TEX9: variants seen among roughly 807,000 people sequenced by gnomAD.
TEX9 encodes testis-expressed protein 9.
In TEX9, 74 loss-of-function variants were observed where a neutral mutation model predicts 59.6. That is an observed-to-expected ratio of 1.24 (90% CI 1.03 to 1.51). TEX9 has a LOEUF of 1.51. Among genes scored for constraint, TEX9 ranks in the 40% most tolerant of loss-of-function variants. TEX9 has a pLI of 0.00. For missense variants in TEX9, 522 were observed against 447.8 expected (o/e 1.17, Z -1.49); for synonymous variants, 186 against 152.2 (o/e 1.22, Z -1.64).
intron 1 of TEX9, among the ~76,000 whole-genome samples, chr15:56,356,155 T>C (rs937785210): frequency 6.6e-6 from 1 of 152,278 alleles, no homozygotes; most frequent in East Asian, 1.9e-4. Context: ...GAACCTTCAG[T>C]TCTTCAGTAT....
At chr15:56,455,627 G>A in the TEX9 span, among the ~76,000 whole-genome samples, 1 of 152,132 alleles carries the variant, frequency 6.6e-6, no homozygotes, top group Non-Finnish European at 1.5e-5. Context: ...GATTAACACT[G>A]TGACAAGGCT....
intron 1 of TEX9, among the ~76,000 whole-genome samples, chr15:56,244,437 CTTTAACTA>C (rs1369790672): frequency 6.6e-6 from 1 of 152,130 alleles, no homozygotes; most frequent in African/African-American, 2.4e-5. Flanking sequence ...TCTGGCCCCA[CTTTAACTA>C]TCCAATCATA....
intron 1 of TEX9, among the ~76,000 whole-genome samples, chr15:56,289,427 G>A (rs1178180617): frequency 4.6e-5 from 7 of 152,166 alleles, no homozygotes; most frequent in African/African-American, 1.7e-4. Context: ...CACTTGCTGG[G>A]TAGGGTGCAG....
upstream of TEX9, among the ~76,000 whole-genome samples, chr15:56,361,252 CTTTAAG>C (rs774039163): frequency 1.4e-4 from 21 of 152,004 alleles, no homozygotes; most frequent in Admixed American, 2.6e-4. Flanking sequence ...TTTTCTTTTG[CTTTAAG>C]TTTAATATTT....
intron 9 of TEX9, among the ~76,000 whole-genome samples, chr15:56,402,556 G>A (rs546241439): frequency 6.6e-6 from 1 of 152,302 alleles, no homozygotes; most frequent in Non-Finnish European, 1.5e-5. Flanking sequence ...TCTACCAGAG[G>A]TATAAGGAGG....
chr15:56,405,466 A>G (rs2049032494), intron 9 of TEX9, among the ~76,000 whole-genome samples: 1 of 152,180 alleles, frequency 6.6e-6, no homozygotes, highest in East Asian at 1.9e-4. Context: ...CCAAAATTAA[A>G]TGAACGTAAG....
intron 1 of TEX9, among the ~76,000 whole-genome samples, chr15:56,331,303 A>G (rs983573611): frequency 6.6e-6 from 1 of 152,194 alleles, no homozygotes; most frequent in African/African-American, 2.4e-5. Context: ...GACCAAGTAC[A>G]CCTAATAGAT....
At chr15:56,391,213 A>G (rs1219501563) in intron 6 of TEX9, 30 bp from the exon 7 acceptor site, 10 of 1,440,348 alleles carry the variant, frequency 6.9e-6, no homozygotes, top group South Asian at 1.5e-5. Flanking sequence ...ACGTATATAC[A>G]TACATATGTA....
chr15:56,352,178 C>T (rs571692537), intron 1 of TEX9, among the ~76,000 whole-genome samples: 133 of 152,188 alleles, frequency 8.7e-4, no homozygotes, highest in African/African-American at 3.0e-3. Context: ...AGAAGGAATC[C>T]TAGACAGGAG....
chr15:56,458,011 A>G, the TEX9 span, among the ~76,000 whole-genome samples: 4 of 152,226 alleles, frequency 2.6e-5, no homozygotes, highest in African/African-American at 9.6e-5. Context: ...ACTGTGGTAC[A>G]TCCATACTAT....
chr15:56,251,189 C>T (rs1387774535), intron 1 of TEX9, among the ~76,000 whole-genome samples: 2 of 152,212 alleles, frequency 1.3e-5, no homozygotes, highest in Admixed American at 1.3e-4. Flanking sequence ...CCCTTACCAT[C>T]TCCTGAAGTT....
exon 1 of TEX9, chr15:56,365,454 G>A: frequency 6.2e-7 from 1 of 1,610,328 alleles, no homozygotes; most frequent in South Asian, 1.1e-5. Flanking sequence ...GCCGAAGATG[G>A]CGGGGCGAAG....
chr15:56,406,945 C>T (rs1344184169), intron 9 of TEX9, among the ~76,000 whole-genome samples: 1 of 152,006 alleles, frequency 6.6e-6, no homozygotes, highest in Non-Finnish European at 1.5e-5. Context: ...ATGTTATTTT[C>T]TTGTGGCTTT....
chr15:56,279,514 AATAG>A (rs1287182083), intron 1 of TEX9, among the ~76,000 whole-genome samples: 2 of 152,206 alleles, frequency 1.3e-5, no homozygotes, highest in East Asian at 3.8e-4. Flanking sequence ...TGAGTTTGCT[AATAG>A]ATAGTGTTTA....
At chr15:56,451,896 C>A in the TEX9 span, among the ~76,000 whole-genome samples, 1 of 152,174 alleles carries the variant, frequency 6.6e-6, no homozygotes, top group South Asian at 2.1e-4. Flanking sequence ...TTATTACTTA[C>A]GTCTAGTTTA....
At chr15:56,404,392 A>G (rs1236848706) in intron 9 of TEX9, among the ~76,000 whole-genome samples, 1 of 152,244 alleles carries the variant, frequency 6.6e-6, no homozygotes, top group African/African-American at 2.4e-5. Flanking sequence ...AATGCTCATC[A>G]TCACTGGTCA....
At chr15:56,293,621 G>T (rs1413497231) in intron 1 of TEX9, among the ~76,000 whole-genome samples, 1 of 152,176 alleles carries the variant, frequency 6.6e-6, no homozygotes. Context: ...GCTTTGGGCC[G>T]CAGGGTATCA....
At chr15:56,324,239 A>C (rs1260451653) in intron 1 of TEX9, among the ~76,000 whole-genome samples, 1 of 152,004 alleles carries the variant, frequency 6.6e-6, no homozygotes, top group Non-Finnish European at 1.5e-5. Flanking sequence ...AGTAAATACA[A>C]TTTTTTATCC....
At position 56,275,091 on chromosome 15, in the gene TEX9, A is replaced by G. The variant is rs142175786; in HGVS notation, c.-107+30813A>G. On this transcript the variant is annotated intron_variant, in intron 1 of 5. Coordinates refer to the TEX9 transcript ENST00000560827. ...ATTCTTCAGTAGATCCTATGTCCCTATGTCTAAGGGTGGTGCTTTCTTAAT... is the reference window on the plus strand; with the variant it reads ...ATTCTTCAGTAGATCCTATGTCCCTGTGTCTAAGGGTGGTGCTTTCTTAAT... Among the ~76,000 whole-genome samples the G allele has an allele frequency of 2.1e-3, 319 of 152,168 alleles. 2 individuals carry two copies. Among genetic ancestry groups the G allele is most frequent in the African/African-American group, 6.6e-3 (273 of 41,516 alleles).
Sources: gnomAD v4.1 joint callset for allele counts (sites outside exome capture counted in the v4.1 genomes callset) on GRCh38, gnomAD v4.1.1 for gene constraint, MANE v1.5 for transcripts, NCBI Gene and HGNC (gene_info 2026-07-23, HGNC 2026-07-21) for gene names.